TRIM55: variants seen among roughly 807,000 people sequenced by gnomAD.
TRIM55 encodes tripartite motif-containing protein 55.
TRIM55 carries 50 observed loss-of-function variants against 60.9 expected under a neutral mutation model. The observed-to-expected ratio is 0.82, with a 90% CI of 0.65 to 1.04. TRIM55 has a LOEUF of 1.04. TRIM55 is among the 50% of genes least tolerant of loss of function. The probability of loss-of-function intolerance (pLI) is 0.00; values close to 1 mark genes in which losing one functional copy is unlikely to be tolerated. For missense variants in TRIM55, 681 were observed against 666.9 expected, an observed-to-expected ratio of 1.02 and a Z score of -0.23; for synonymous variants, 237 against 238.1, an observed-to-expected ratio of 1.00 and a Z score of 0.04.
chr8:66,125,570 C>T (rs1808788311), upstream of TRIM55, among the ~76,000 whole-genome samples: 1 of 152,172 alleles, frequency 6.6e-6, no homozygotes, highest in Non-Finnish European at 1.5e-5. Flanking sequence ...TCAGACCTCC[C>T]CTCCATAGCC....
In TRIM55 at chr8:66,134,997, A is replaced by G. The variant is rs757995584; in HGVS notation, c.349A>G (p.Lys117Glu). ...CTGCCTACCTCCTCCCAGGCCAGAA[A>G]AGAAATCCGACCAGCCCATGTGCGA... ...IYKQESTRPE[K>E]KSDQPMCEEH... The change falls in exon 3 of 10, where the codon AAG becomes GAG. Residue 117 changes from lysine to glutamate, a missense_variant. Physicochemically the swap from Lys to Glu is moderately conservative, Grantham distance 56. Coordinates refer to ENST00000315962, the MANE Select transcript of TRIM55 (RefSeq NM_184085.2). 1.9e-6 allele frequency: 3 copies of G among 1,614,054 alleles called. No individual in the cohort carries two copies. Among genetic ancestry groups the G allele is most frequent in the Non-Finnish European group, 2.5e-6 (3 of 1,179,954 alleles).
At chr8:66,137,314 C>A in intron 4 of TRIM55, 124 bp downstream of exon 4, 1 of 655,924 alleles carries the variant, frequency 1.5e-6, no homozygotes, top group Non-Finnish European at 2.6e-6. Flanking sequence ...AGAATGGCCT[C>A]CTTCCTGATA....
In TRIM55 at chr8:66,174,484, C is replaced by T. The variant is rs773147440; in HGVS notation, c.1538C>T (p.Ala513Val). Residue 513 changes from alanine to valine, a missense_variant, in exon 10 of 10, where the codon GCT (alanine) becomes GTT (valine). Physicochemically the swap from Ala to Val is moderately conservative, Grantham distance 64. Transcript: ENST00000315962. Reference sequence around the variant, plus strand: ...CTTCCATTGCAGATTGGATTTGAGGCTCCTCCCCTCCAGGGACAGGCTGCA... The same window carrying T: ...CTTCCATTGCAGATTGGATTTGAGGTTCCTCCCCTCCAGGGACAGGCTGCA... Reference protein sequence around the residue: ...PAATSQIGFEAPPLQGQAAAP... With the variant: ...PAATSQIGFEVPPLQGQAAAP... 4.1e-5 allele frequency: 66 copies of T among 1,611,418 alleles called. No individual in the cohort carries two copies. Among genetic ancestry groups the T allele is most frequent in the Non-Finnish European group, 5.2e-5 (61 of 1,179,310 alleles).
At chr8:66,151,386 C>T (rs1205171540) in intron 7 of TRIM55, among the ~76,000 whole-genome samples, 1 of 152,186 alleles carries the variant, frequency 6.6e-6, no homozygotes, top group Non-Finnish European at 1.5e-5. Context: ...TTGACTCATG[C>T]TAGCCCACCT....
chr8:66,122,677 A>T (rs560187204), upstream of TRIM55, among the ~76,000 whole-genome samples: 22 of 152,308 alleles, frequency 1.4e-4, no homozygotes, highest in African/African-American at 5.1e-4. Context: ...ATTCCAAAGT[A>T]AACCTAAAAA....
intron 2 of TRIM55, among the ~76,000 whole-genome samples, chr8:66,132,117 C>T (rs1225296749): frequency 6.6e-6 from 1 of 152,182 alleles, no homozygotes; most frequent in Non-Finnish European, 1.5e-5. Context: ...TCTAAGGCCA[C>T]ATAGCCACTA....
At chr8:66,152,729 T>C in intron 8 of TRIM55, 102 bp downstream of exon 8, 3 of 1,440,140 alleles carry the variant, frequency 2.1e-6, no homozygotes, top group Non-Finnish European at 1.8e-6. Flanking sequence ...AAGATAACTA[T>C]ATGCCAGACA....
chr8:66,154,191 C>T lies in TRIM55; in HGVS notation c.1381C>T (p.Pro461Ser), dbSNP rs974834607. 3.7e-6 allele frequency: 6 copies of T among 1,613,874 alleles called. No individual in the cohort carries two copies. Among genetic ancestry groups the T allele is most frequent in the Non-Finnish European group, 5.1e-6 (6 of 1,180,006 alleles). The stretch of plus-strand genomic sequence containing the variant: ...AGCCACCACCAACCCACCTTGCACC[C>T]CAGGGAGCGAAGGTCTGGGGCAAAT... ...RKATTNPPCT[P>S]GSEGLGQIGP... Residue 461 changes from proline (P) to serine (S), a missense_variant, in exon 9 of 10, where the codon CCA (proline) becomes TCA (serine). Transcript: ENST00000315962.
At chr8:66,134,690 TTGGCCATG>T (rs1402294798) in intron 2 of TRIM55, among the ~76,000 whole-genome samples, 5 of 152,022 alleles carry the variant, frequency 3.3e-5, no homozygotes, top group Non-Finnish European at 2.9e-5. Context: ...TAACTTAAAA[TTGGCCATG>T]TGGAAATACA....
At chr8:66,130,308 G>A (rs1809063218) in intron 2 of TRIM55, among the ~76,000 whole-genome samples, 1 of 152,162 alleles carries the variant, frequency 6.6e-6, no homozygotes, top group African/African-American at 2.4e-5. Context: ...GGATGCTTTT[G>A]TGATTTTCTG....
rs1808853581 is a variant in TRIM55, at chr8:66,127,161, A to G, written c.-108A>G. 2 of 1,235,238 alleles carry G rather than the reference A, an allele frequency of 1.6e-6. No homozygotes were observed. Among genetic ancestry groups the G allele is most frequent in the Non-Finnish European group, 2.2e-6 (2 of 894,014 alleles). The allele number at this position is 1,235,238 out of a possible 1,614,324, so 76.5% of individuals were successfully genotyped here. A position where few individuals can be genotyped will look rare whatever the true frequency, so the allele number is the denominator to read the frequency against. On this transcript the variant is annotated 5_prime_UTR_variant, in exon 1 of 10. Coordinates refer to ENST00000315962, the MANE Select transcript of TRIM55 (RefSeq NM_184085.2). ...GAAACAATGTCCTCCACCGAGAGAA[A>G]CGTAAAGGACACTTGATCACACAAT...
Position 66,168,233 on chromosome 8 carries a change from C to T in TRIM55, c.1525-6238C>T, listed in dbSNP as rs561753619. Among the ~76,000 whole-genome samples the T allele has an allele frequency of 1.5e-3, 222 of 152,268 alleles. 1 individual carries two copies. The highest frequency in any genetic ancestry group is 5.0e-3 in the African/African-American group (207 of 41,550). ...ATAGACACCTATGATGGCAGAGCTG[C>T]CTAACAGAGTTTCTAAGGCTTTGAC... On this transcript the variant is annotated intron_variant, in intron 9 of 9. Coordinates refer to ENST00000315962, the MANE Select transcript of TRIM55 (RefSeq NM_184085.2).
In TRIM55 at chr8:66,128,301, C is replaced by G. The variant is rs1808941016; in HGVS notation, c.169-3C>G. 3.8e-6 allele frequency: 6 copies of G among 1,580,930 alleles called. No homozygotes were observed. Among genetic ancestry groups the G allele is most frequent in the Non-Finnish European group, 4.3e-6 (5 of 1,164,990 alleles). On this transcript the variant is annotated splice_polypyrimidine_tract_variant and splice_region_variant and intron_variant, in intron 1 of 9. Coordinates refer to ENST00000315962, the MANE Select transcript of TRIM55 (RefSeq NM_184085.2). ...TTCCTTTTTTCTTACTTGGCAAGAA[C>G]AGGCCTCTAACCCGTATTTGCCCAC...
At chr8:66,166,948 C>A (rs996324720) in intron 9 of TRIM55, among the ~76,000 whole-genome samples, 4 of 152,190 alleles carry the variant, frequency 2.6e-5, no homozygotes, top group African/African-American at 7.2e-5. Flanking sequence ...CACAGCCTCA[C>A]AAGAACAGGT....
intron 3 of TRIM55, among the ~76,000 whole-genome samples, chr8:66,135,370 C>G (rs770041669): frequency 1.3e-5 from 2 of 152,146 alleles, no homozygotes; most frequent in Non-Finnish European, 2.9e-5. Flanking sequence ...GGGGACCAGG[C>G]GAGACAGGGC....
At chr8:66,155,677 AG>A (rs1044650909) in intron 9 of TRIM55, 3 of 1,612,772 alleles carry the variant, frequency 1.9e-6, no homozygotes, top group Admixed American at 1.7e-5. Context: ...CTACATCTGG[AG>A]TCAGATTCAG....
the TRIM55 span, chr8:66,114,822 G>A: frequency 0.032 from 10,854 of 337,424 alleles, 265 homozygotes; most frequent in Middle Eastern, 0.06. Context: ...GCCGTTGGAG[G>A]AGGTTGTAAT....
intron 4 of TRIM55, 63 bp from the exon 5 acceptor site, chr8:66,149,582 G>T (rs1051296853): frequency 5.4e-6 from 7 of 1,287,504 alleles, no homozygotes; most frequent in Admixed American, 5.4e-5. Flanking sequence ...AGGATAACTA[G>T]GTGATTTCTC....
At chr8:66,156,393 A>G (rs1376536058) in intron 9 of TRIM55, among the ~76,000 whole-genome samples, 1 of 152,164 alleles carries the variant, frequency 6.6e-6, no homozygotes, top group Non-Finnish European at 1.5e-5. Context: ...AATTAGAACC[A>G]AGAACTAAGC....
Sources: allele counts gnomAD v4.1 joint callset (sites outside exome capture counted in the v4.1 genomes callset), GRCh38; gene constraint gnomAD v4.1.1; transcripts MANE v1.5; gene names NCBI Gene and HGNC (gene_info 2026-07-23, HGNC 2026-07-21).